DLG2: variants seen among roughly 807,000 people sequenced by gnomAD.
DLG2 encodes disks large homolog 2.
DLG2 carries 45 observed loss-of-function variants against 132.5 expected under a neutral mutation model. The ratio of observed to expected loss-of-function variants is 0.34; its 90% CI spans 0.27 to 0.44. The LOEUF is 0.44. DLG2 is among the 20% of genes least tolerant of loss of function. The probability of loss-of-function intolerance (pLI) is 1.00; values close to 1 mark genes in which losing one functional copy is unlikely to be tolerated. For synonymous variants in DLG2, 424 were observed against 419.6 expected (o/e 1.01, Z -0.13); for missense variants, 1,045 against 1,196.9 (o/e 0.87, Z 1.87).
At chr11:85,458,443 C>G (rs1214389787) in intron 3 of DLG2, among the ~76,000 whole-genome samples, 2 of 152,264 alleles carry the variant, frequency 1.3e-5, no homozygotes, top group Middle Eastern at 3.4e-3. Context: ...TCATTTCAGC[C>G]ATTTCAGTCT....
intron 6 of DLG2, among the ~76,000 whole-genome samples, chr11:84,953,303 A>C (rs1308751034): frequency 1.3e-5 from 2 of 152,156 alleles, no homozygotes; most frequent in African/African-American, 2.4e-5. Flanking sequence ...TTCTGCTAAA[A>C]CACAATGACA....
At chr11:84,441,397 C>T (rs1038245125) in intron 7 of DLG2, among the ~76,000 whole-genome samples, 8 of 151,996 alleles carry the variant, frequency 5.3e-5, no homozygotes, top group Non-Finnish European at 7.4e-5. Context: ...AAGTGATCCT[C>T]GTACCTTGGG....
chr11:83,478,809 T>A (rs1405363781), intron 22 of DLG2, among the ~76,000 whole-genome samples: 4 of 152,032 alleles, frequency 2.6e-5, no homozygotes, highest in South Asian at 2.1e-4. Flanking sequence ...TCATTGGTCT[T>A]CCTGGAACCC....
intron 6 of DLG2, among the ~76,000 whole-genome samples, chr11:84,887,614 G>A (rs2088555743): frequency 6.6e-6 from 1 of 152,106 alleles, no homozygotes; most frequent in Admixed American, 6.6e-5. Context: ...TTAGGATCAA[G>A]AGAATGGGCA....
chr11:84,573,534 T>A (rs2099491036), intron 6 of DLG2, among the ~76,000 whole-genome samples: 1 of 152,106 alleles, frequency 6.6e-6, no homozygotes, highest in Non-Finnish European at 1.5e-5. Flanking sequence ...TCCTGAATGA[T>A]GCTATACTTC....
chr11:84,680,050 C>A (rs1281329113), intron 6 of DLG2, among the ~76,000 whole-genome samples: 2 of 152,068 alleles, frequency 1.3e-5, no homozygotes, highest in African/African-American at 4.8e-5. Flanking sequence ...TCCAAATAAG[C>A]AATGTTAGAG....
chr11:83,649,760 G>C (rs538699610), intron 18 of DLG2, among the ~76,000 whole-genome samples: 1 of 152,080 alleles, frequency 6.6e-6, no homozygotes, highest in Non-Finnish European at 1.5e-5. Context: ...GAGATTGGAG[G>C]GTAGGAGGAA....
At chr11:83,666,582 C>T (rs1028318487) in intron 18 of DLG2, among the ~76,000 whole-genome samples, 1 of 152,206 alleles carries the variant, frequency 6.6e-6, no homozygotes, top group African/African-American at 2.4e-5. Context: ...TTGTCTTCCA[C>T]AAAACCAGTT....
At chr11:83,975,797 C>T (rs1033263339) in intron 12 of DLG2, among the ~76,000 whole-genome samples, 23 of 152,022 alleles carry the variant, frequency 1.5e-4, no homozygotes, top group African/African-American at 5.3e-4. Flanking sequence ...AATTAGTCTT[C>T]ACCTTTTTGT....
chr11:83,503,420 T>TAGATAG (rs1320528874), intron 21 of DLG2, among the ~76,000 whole-genome samples: 77 of 78,128 alleles, frequency 9.9e-4, no homozygotes, highest in Admixed American at 1.6e-3. Context: ...TATATATATA[T>TAGATAG]ATAGATAGAT....
intron 11 of DLG2, among the ~76,000 whole-genome samples, chr11:84,021,868 C>G (rs1337812424): frequency 6.6e-6 from 1 of 152,102 alleles, no homozygotes. Context: ...CTGCCTCAGC[C>G]TCCCAGGTAG....
At chr11:84,820,061 T>C (rs1238140610) in intron 6 of DLG2, among the ~76,000 whole-genome samples, 2 of 149,720 alleles carry the variant, frequency 1.3e-5, no homozygotes, top group Non-Finnish European at 3.0e-5. Context: ...CTCTTCTCAT[T>C]GTGGATTTAA....
intron 15 of DLG2, among the ~76,000 whole-genome samples, chr11:83,920,786 A>G: frequency 6.6e-6 from 1 of 151,894 alleles, no homozygotes; most frequent in Non-Finnish European, 1.5e-5. Flanking sequence ...AAAGCTAGAA[A>G]GTTGTGGAGG....
intron 6 of DLG2, among the ~76,000 whole-genome samples, chr11:84,713,504 G>T (rs1010998579): frequency 6.6e-6 from 1 of 151,990 alleles, no homozygotes; most frequent in Non-Finnish European, 1.5e-5. Context: ...TTGAACACTT[G>T]GATTTTTTGC....
chr11:84,703,857 G>GATATATATATATAT (rs5793132), intron 6 of DLG2, among the ~76,000 whole-genome samples: 1,155 of 102,564 alleles, frequency 0.011, 50 homozygotes, highest in African/African-American at 0.042. Flanking sequence ...ATGTAGTGAA[G>GATATATATATATAT]ATATATATAT....
intron 7 of DLG2, among the ~76,000 whole-genome samples, chr11:84,371,371 T>C (rs1321304545): frequency 6.6e-6 from 1 of 151,198 alleles, no homozygotes; most frequent in Non-Finnish European, 1.5e-5. Flanking sequence ...TCCTCCCACC[T>C]CAACCTCCCA....
At position 84,424,891 on chromosome 11, in the gene DLG2, T is replaced by C. The variant is rs533528221; in HGVS notation, c.519+109679A>G. ...TCACAGAGCTCAAGAATGTTAAGAT[T>C]CAGCAAATAAGCAAAGAGGGTCTGG... On this transcript the variant is annotated intron_variant, in intron 7 of 27. Coordinates refer to ENST00000376104, the MANE Select transcript of DLG2 (RefSeq NM_001142699.3). 9.9e-5 allele frequency among the ~76,000 whole-genome samples: 15 copies of C among 152,128 alleles called. No individual in the cohort carries two copies. The South Asian group carries it at 1.9e-3, about 19-fold the overall frequency.
chr11:83,748,900 A>G (rs1272512964), intron 18 of DLG2, among the ~76,000 whole-genome samples: 1 of 152,216 alleles, frequency 6.6e-6, no homozygotes, highest in Non-Finnish European at 1.5e-5. Context: ...TTGAAATGAA[A>G]TAAATGAAAG....
At chr11:84,446,865 C>T in intron 7 of DLG2, among the ~76,000 whole-genome samples, 1 of 152,094 alleles carries the variant, frequency 6.6e-6, no homozygotes. Context: ...GAGTCCCATA[C>T]ACCCCTGGGA....
Sources: allele counts gnomAD v4.1 joint callset (sites outside exome capture counted in the v4.1 genomes callset), GRCh38; gene constraint gnomAD v4.1.1; transcripts MANE v1.5; gene names NCBI Gene and HGNC (gene_info 2026-07-23, HGNC 2026-07-21).